CCDC178: variants seen among roughly 807,000 people sequenced by gnomAD.
CCDC178 encodes the protein coiled-coil domain containing 178, also known as coiled-coil domain-containing protein 178.
Under a neutral mutation model 117.4 loss-of-function variants are expected in CCDC178, and 126 were observed. The observed-to-expected ratio is 1.07, with a 90% CI of 0.93 to 1.24. The LOEUF is 1.24. Among genes scored for constraint, CCDC178 ranks in the 50% most tolerant of loss-of-function variants. The pLI is 0.00. For synonymous variants in CCDC178, 283 were observed against 313.4 expected (o/e 0.90, Z 1.02); for missense variants, 1,030 against 986.9 (o/e 1.04, Z -0.59).
chr18:33,098,854 C>A (rs1378676431), intron 20 of CCDC178, among the ~76,000 whole-genome samples: 3 of 151,904 alleles, frequency 2.0e-5, no homozygotes, highest in Admixed American at 2.0e-4. Context: ...AATTCCTGTT[C>A]GCCAAGGATT....
intron 21 of CCDC178, among the ~76,000 whole-genome samples, chr18:33,071,315 T>C (rs1249146276): frequency 1.3e-5 from 2 of 152,104 alleles, no homozygotes; most frequent in African/African-American, 4.8e-5. Context: ...GCTGTCTGCA[T>C]TAAAATCAAG....
intron 20 of CCDC178, among the ~76,000 whole-genome samples, chr18:33,142,205 A>C (rs1236966611): frequency 6.6e-6 from 1 of 152,186 alleles, no homozygotes; most frequent in Non-Finnish European, 1.5e-5. Flanking sequence ...TAGTGGTCAC[A>C]ACTAGAGGGA....
intron 12 of CCDC178, among the ~76,000 whole-genome samples, chr18:33,269,671 C>A (rs888960073): frequency 6.6e-6 from 1 of 151,788 alleles, no homozygotes; most frequent in African/African-American, 2.4e-5. Context: ...ATGAGAAAGA[C>A]AACAGACTTT....
intron 5 of CCDC178, among the ~76,000 whole-genome samples, chr18:33,385,811 G>A (rs2063485520): frequency 6.6e-6 from 1 of 152,064 alleles, no homozygotes; most frequent in Admixed American, 6.6e-5. Flanking sequence ...AGAACAAAGA[G>A]CAAACAAACT....
chr18:32,959,725 A>T (rs1215198377), intron 22 of CCDC178, among the ~76,000 whole-genome samples: 2 of 152,088 alleles, frequency 1.3e-5, no homozygotes, highest in Non-Finnish European at 2.9e-5. Flanking sequence ...GATGATGCTA[A>T]GTTGTATGAA....
chr18:33,122,247 T>C (rs550947745), intron 20 of CCDC178, among the ~76,000 whole-genome samples: 1 of 152,268 alleles, frequency 6.6e-6, no homozygotes, highest in South Asian at 2.1e-4. Context: ...TGGGGATGAC[T>C]GAAATGGAAG....
At chr18:33,297,429 G>C (rs1238948577) in intron 11 of CCDC178, among the ~76,000 whole-genome samples, 7 of 151,628 alleles carry the variant, frequency 4.6e-5, no homozygotes, top group South Asian at 2.1e-4. Flanking sequence ...CAAATCATTA[G>C]GTAGATTAAC....
intron 21 of CCDC178, among the ~76,000 whole-genome samples, chr18:33,065,336 T>G (rs117186931): frequency 6.6e-6 from 1 of 152,294 alleles, no homozygotes; most frequent in East Asian, 1.9e-4. Flanking sequence ...ATATATGTAT[T>G]GAAACATCAA....
chr18:33,286,375 G>T (rs2060099341), intron 12 of CCDC178, among the ~76,000 whole-genome samples: 1 of 152,072 alleles, frequency 6.6e-6, no homozygotes, highest in Non-Finnish European at 1.5e-5. Flanking sequence ...CCAAAAATTT[G>T]GGTTGTAGTT....
intron 20 of CCDC178, among the ~76,000 whole-genome samples, chr18:33,161,182 T>A (rs1385408299): frequency 6.6e-6 from 1 of 151,666 alleles, no homozygotes; most frequent in Non-Finnish European, 1.5e-5. Context: ...AAAAGAATAG[T>A]GGAGTTAAAT....
chr18:33,273,665 T>A (rs1481234126), intron 12 of CCDC178, among the ~76,000 whole-genome samples: 1 of 151,688 alleles, frequency 6.6e-6, no homozygotes, highest in Non-Finnish European at 1.5e-5. Flanking sequence ...AATATCCACT[T>A]ACAAACAAAT....
At chr18:33,273,037 T>C (rs367814486) in intron 12 of CCDC178, among the ~76,000 whole-genome samples, 2 of 146,520 alleles carry the variant, frequency 1.4e-5, no homozygotes, top group African/African-American at 5.1e-5. Context: ...CCAAAGTAAT[T>C]AGGCAAAAAA....
chr18:32,955,115 T>G (rs542412517), intron 22 of CCDC178, among the ~76,000 whole-genome samples: 1 of 152,256 alleles, frequency 6.6e-6, no homozygotes, highest in East Asian at 1.9e-4. Flanking sequence ...CATCCAAGCT[T>G]CTACTTTCCA....
chr18:33,175,608 A>C (rs958921940), intron 20 of CCDC178, among the ~76,000 whole-genome samples: 1 of 152,152 alleles, frequency 6.6e-6, no homozygotes, highest in East Asian at 1.9e-4. Flanking sequence ...GTTGGTTTCT[A>C]TCTGAAACAC....
Position 33,227,562 on chromosome 18 carries a change from A to G in CCDC178, c.1594-707T>C, listed in dbSNP as rs1481937149. On this transcript the variant is annotated intron_variant, in intron 15 of 22. Transcript: ENST00000383096. ...TGTGTGTGTGTGTGTGTGTGTATAT[A>G]TATATATATATATATATACACACAC... 1.6e-3 allele frequency among the ~76,000 whole-genome samples: 210 copies of G among 132,460 alleles called. 1 individual carries two copies. Among genetic ancestry groups the G allele is most frequent in the South Asian group, 8.9e-3 (37 of 4,136 alleles). The allele number at this position is 132,460 out of a possible 152,430, so 86.9% of individuals were successfully genotyped here.
intron 20 of CCDC178, among the ~76,000 whole-genome samples, chr18:33,182,800 T>A (rs1224493131): frequency 6.6e-6 from 1 of 151,978 alleles, no homozygotes; most frequent in Non-Finnish European, 1.5e-5. Flanking sequence ...TCATTAACAT[T>A]TGTCTTATAT....
chr18:33,040,934 G>T (rs2056538681), intron 21 of CCDC178, among the ~76,000 whole-genome samples: 1 of 151,890 alleles, frequency 6.6e-6, no homozygotes, highest in African/African-American at 2.4e-5. Context: ...AGGCTAAAAT[G>T]AGAATGAAAG....
chr18:33,043,191 A>G (rs1239074226), intron 21 of CCDC178, among the ~76,000 whole-genome samples: 3 of 152,074 alleles, frequency 2.0e-5, no homozygotes, highest in African/African-American at 7.2e-5. Context: ...AGTAACACTG[A>G]AGGTTCTATG....
chr18:33,402,436 A>G (rs949892012), intron 3 of CCDC178, among the ~76,000 whole-genome samples: 2 of 152,192 alleles, frequency 1.3e-5, no homozygotes, highest in African/African-American at 2.4e-5. Context: ...CACATTTACG[A>G]TATCGGAGGA....
Sources: gnomAD v4.1 joint callset for allele counts (sites outside exome capture counted in the v4.1 genomes callset) on GRCh38, gnomAD v4.1.1 for gene constraint, MANE v1.5 for transcripts, NCBI Gene and HGNC (gene_info 2026-07-23, HGNC 2026-07-21) for gene names.